Variants in DPP10 observed in about 807,000 individuals in gnomAD.
DPP10 encodes inactive dipeptidyl peptidase 10.
In DPP10, 33 loss-of-function variants were observed where a neutral mutation model predicts 120.9. That is an observed-to-expected ratio of 0.27 (90% CI 0.21 to 0.37). The LOEUF (loss-of-function observed/expected upper bound fraction) is 0.37, where lower values mean the gene tolerates loss of function less well. Ranked by LOEUF, DPP10 falls within the 10% of genes least tolerant of loss-of-function variation. The pLI is 1.00. For missense variants in DPP10, 816 were observed against 942.8 expected, an observed-to-expected ratio of 0.87 and a Z score of 1.76; for synonymous variants, 337 against 326.1, an observed-to-expected ratio of 1.03 and a Z score of -0.36.
At chr2:115,308,910 A>G (rs1359297755) in intron 1 of DPP10, among the ~76,000 whole-genome samples, 7 of 152,050 alleles carry the variant, frequency 4.6e-5, no homozygotes, top group African/African-American at 1.7e-4. Flanking sequence ...GAATACATGT[A>G]AATGGACTCG....
intron 3 of DPP10, among the ~76,000 whole-genome samples, chr2:115,366,224 C>T (rs1406339777): frequency 6.6e-6 from 1 of 151,814 alleles, no homozygotes; most frequent in East Asian, 1.9e-4. Flanking sequence ...TATCTAGCAC[C>T]TCATTCCTGA....
intron 21 of DPP10, among the ~76,000 whole-genome samples, chr2:115,820,937 A>T (rs1687757366): frequency 6.6e-6 from 1 of 151,972 alleles, no homozygotes; most frequent in Admixed American, 6.6e-5. Flanking sequence ...TGCATATGCA[A>T]GTATCTTTTT....
At chr2:115,755,031 C>T (rs191775205) in intron 11 of DPP10, among the ~76,000 whole-genome samples, 8 of 152,156 alleles carry the variant, frequency 5.3e-5, no homozygotes, top group East Asian at 3.9e-4. Context: ...GCATATATCC[C>T]GTAATTCACA....
At chr2:115,084,986 G>T (rs1708574912) in intron 1 of DPP10, among the ~76,000 whole-genome samples, 1 of 152,144 alleles carries the variant, frequency 6.6e-6, no homozygotes, top group Non-Finnish European at 1.5e-5. Flanking sequence ...GCACCACACT[G>T]ATGTTCAGTT....
intron 1 of DPP10, among the ~76,000 whole-genome samples, chr2:115,009,568 T>G (rs1348590854): frequency 6.7e-6 from 1 of 148,502 alleles, no homozygotes; most frequent in Non-Finnish European, 1.5e-5. Flanking sequence ...CCCTAAAACT[T>G]AAAGTATAAT....
intron 1 of DPP10, among the ~76,000 whole-genome samples, chr2:115,305,193 A>C (rs2061312190): frequency 6.6e-6 from 1 of 151,982 alleles, no homozygotes; most frequent in Non-Finnish European, 1.5e-5. Context: ...TTGTTCTGTG[A>C]CCAAAGCATC....
At chr2:114,978,298 T>C (rs1371941518) in intron 1 of DPP10, among the ~76,000 whole-genome samples, 2 of 152,156 alleles carry the variant, frequency 1.3e-5, no homozygotes, top group African/African-American at 4.8e-5. Context: ...TTTTAAGTAA[T>C]TTGAATTAAA....
intron 1 of DPP10, among the ~76,000 whole-genome samples, chr2:114,471,399 C>G (rs1197000151): frequency 6.6e-6 from 1 of 152,090 alleles, no homozygotes; most frequent in African/African-American, 2.4e-5. Flanking sequence ...CATTGCTGTG[C>G]TGTTAGACAG....
intron 1 of DPP10, among the ~76,000 whole-genome samples, chr2:114,888,364 A>G (rs1474203539): frequency 6.6e-6 from 1 of 152,284 alleles, no homozygotes; most frequent in South Asian, 2.1e-4. Flanking sequence ...TCAGAAGACT[A>G]TAGTAGATAA....
At chr2:115,475,998 A>G (rs2105222232) in intron 3 of DPP10, among the ~76,000 whole-genome samples, 1 of 152,270 alleles carries the variant, frequency 6.6e-6, no homozygotes, top group South Asian at 2.1e-4. Context: ...GTCTCAGATA[A>G]GACTTTGAGT....
At chr2:114,679,064 T>C (rs1472429881) in intron 1 of DPP10, among the ~76,000 whole-genome samples, 1 of 152,050 alleles carries the variant, frequency 6.6e-6, no homozygotes, top group Non-Finnish European at 1.5e-5. Flanking sequence ...GCCATTCCAA[T>C]ATTGTCCACG....
At chr2:115,114,361 C>T (rs1043930855) in intron 1 of DPP10, among the ~76,000 whole-genome samples, 4 of 152,166 alleles carry the variant, frequency 2.6e-5, no homozygotes, top group African/African-American at 4.8e-5. Flanking sequence ...AGTATATGAG[C>T]ATGCATTTGA....
chr2:115,438,621 G>T (rs975984932), intron 3 of DPP10, among the ~76,000 whole-genome samples: 3 of 152,216 alleles, frequency 2.0e-5, no homozygotes, highest in African/African-American at 4.8e-5. Context: ...AAATCATTAT[G>T]CTAAGTGAAA....
At chr2:115,328,738 C>T (rs1237501057) in intron 2 of DPP10, among the ~76,000 whole-genome samples, 2 of 152,082 alleles carry the variant, frequency 1.3e-5, no homozygotes, top group East Asian at 1.9e-4. Flanking sequence ...CTCTGTCCTT[C>T]CCTCATCTCT....
At chr2:114,583,495 T>C (rs937869386) in intron 1 of DPP10, among the ~76,000 whole-genome samples, 1 of 152,240 alleles carries the variant, frequency 6.6e-6, no homozygotes, top group Non-Finnish European at 1.5e-5. Flanking sequence ...AAGCACAGAA[T>C]TGAATATATG....
intron 1 of DPP10, among the ~76,000 whole-genome samples, chr2:115,239,818 G>C (rs1229367873): frequency 2.0e-5 from 3 of 151,902 alleles, no homozygotes; most frequent in Non-Finnish European, 4.4e-5. Flanking sequence ...CGTTCTCATT[G>C]TTCAACTCCC....
At chr2:115,243,967 T>C (rs1194494712) in intron 1 of DPP10, among the ~76,000 whole-genome samples, 1 of 151,578 alleles carries the variant, frequency 6.6e-6, no homozygotes, top group Non-Finnish European at 1.5e-5. Flanking sequence ...TTCTTGTTAT[T>C]TTGAAACCCA....
chr2:115,665,565 C>T (rs2089383413), intron 5 of DPP10, among the ~76,000 whole-genome samples: 1 of 152,234 alleles, frequency 6.6e-6, no homozygotes, highest in East Asian at 1.9e-4. Context: ...GAAAACCTTG[C>T]TTGTTAGTGT....
At chr2:114,863,274 G>A (rs1689967566) in intron 1 of DPP10, among the ~76,000 whole-genome samples, 1 of 152,176 alleles carries the variant, frequency 6.6e-6, no homozygotes, top group Non-Finnish European at 1.5e-5. Flanking sequence ...TTCCTCCTGG[G>A]AGAGAATGCT....
Sources: allele counts gnomAD v4.1 joint callset (sites outside exome capture counted in the v4.1 genomes callset), GRCh38; gene constraint gnomAD v4.1.1; transcripts MANE v1.5; gene names NCBI Gene and HGNC (gene_info 2026-07-23, HGNC 2026-07-21).